The following SYN2 variants were observed in gnomAD, a reference collection of about 807,000 sequenced individuals.
The protein encoded by SYN2 is synapsin II.
In SYN2, 19 loss-of-function variants were observed where a neutral mutation model predicts 50.9. That is an observed-to-expected ratio of 0.37 (90% CI 0.26 to 0.55). The LOEUF (loss-of-function observed/expected upper bound fraction) is 0.55, where lower values mean the gene tolerates loss of function less well. Ranked by LOEUF, SYN2 falls within the 20% of genes least tolerant of loss-of-function variation. The probability of loss-of-function intolerance (pLI) is 0.81; values close to 1 mark genes in which losing one functional copy is unlikely to be tolerated. For synonymous variants in SYN2, 255 were observed against 224.9 expected (o/e 1.13, Z -1.20); for missense variants, 587 against 576.4 (o/e 1.02, Z -0.19).
chr3:12,070,077 G>A (rs183845468), intron 1 of SYN2: 14 of 244,072 alleles, frequency 5.7e-5, no homozygotes, highest in Admixed American at 1.4e-4. Context: ...TGAGATGATA[G>A]GCATAAGCCA....
intron 1 of SYN2, among the ~76,000 whole-genome samples, chr3:12,038,626 T>C (rs908028427): frequency 2.0e-5 from 3 of 152,180 alleles, no homozygotes; most frequent in African/African-American, 7.2e-5. Flanking sequence ...CTTGTACTTA[T>C]TTTAAAATTC....
Position 12,077,994 on chromosome 3 carries a change from C to CT in SYN2, c.378-62652dup, listed in dbSNP as rs556448556. Among the ~76,000 whole-genome samples the CT allele has an allele frequency of 7.8e-3, 1,186 of 152,220 alleles. 11 individuals carry two copies. Among genetic ancestry groups the CT allele is most frequent in the African/African-American group, 0.027 (1,119 of 41,512 alleles). Reference sequence around the variant, plus strand: ...CTTGCCAGCATCTGTTGTTTCTTGACTTTTTAATAATCGCCATTCTGACTG... The same window carrying CT: ...CTTGCCAGCATCTGTTGTTTCTTGACTTTTTTAATAATCGCCATTCTGACTG... On this transcript the variant is annotated intron_variant, in intron 1 of 12. Coordinates refer to ENST00000621198, the MANE Select transcript of SYN2 (RefSeq NM_133625.6).
chr3:12,165,330 T>C (rs1199269288), intron 7 of SYN2: 2 of 152,234 alleles, frequency 1.3e-5, no homozygotes, highest in South Asian at 2.1e-4. Flanking sequence ...AAATGTATGA[T>C]ATGGTGATGG....
intron 1 of SYN2, among the ~76,000 whole-genome samples, chr3:12,073,596 T>TTA (rs1695409047): frequency 6.6e-5 from 10 of 152,212 alleles, no homozygotes. Context: ...TTACATTTAT[T>TTA]GTAGTTGGAT....
chr3:12,072,608 C>G (rs946023798), intron 1 of SYN2, among the ~76,000 whole-genome samples: 13 of 152,062 alleles, frequency 8.5e-5, no homozygotes, highest in African/African-American at 2.9e-4. Flanking sequence ...TGTCTTGGTA[C>G]CCTCACCAAA....
intron 11 of SYN2, chr3:12,183,794 G>T (rs139604233): frequency 2.8e-6 from 3 of 1,054,926 alleles, no homozygotes; most frequent in South Asian, 3.1e-5. Flanking sequence ...ATGGGAGTAG[G>T]GGGGTGGACA....
chr3:12,160,009 C>T (rs1201149742), intron 5 of SYN2, among the ~76,000 whole-genome samples: 1 of 135,256 alleles, frequency 7.4e-6, no homozygotes, highest in African/African-American at 2.8e-5. Context: ...TGCCACTGCA[C>T]TCCAGTCTGG....
At chr3:12,007,605 T>A (rs1284967708) in intron 1 of SYN2, among the ~76,000 whole-genome samples, 3 of 152,240 alleles carry the variant, frequency 2.0e-5, no homozygotes, top group Non-Finnish European at 4.4e-5. Context: ...TATATTATTT[T>A]TCTGGTGCTG....
chr3:12,179,888 G>C (rs956472862), intron 10 of SYN2, among the ~76,000 whole-genome samples: 1 of 152,180 alleles, frequency 6.6e-6, no homozygotes, highest in Non-Finnish European at 1.5e-5. Flanking sequence ...CATCATTACA[G>C]ACTGACACCC....
intron 1 of SYN2, chr3:12,071,525 G>C (rs183172646): frequency 2.8e-6 from 1 of 362,600 alleles, no homozygotes; most frequent in Non-Finnish European, 5.5e-6. Context: ...GCACTTGATT[G>C]TAGAACTTGT....
At chr3:12,054,957 A>G (rs1257991563) in intron 1 of SYN2, among the ~76,000 whole-genome samples, 1 of 152,142 alleles carries the variant, frequency 6.6e-6, no homozygotes, top group Non-Finnish European at 1.5e-5. Flanking sequence ...ATCCTTTATT[A>G]GTGTTGATAA....
At chr3:12,169,970 T>C in intron 10 of SYN2, 64 bp downstream of exon 10, 1 of 1,518,036 alleles carries the variant, frequency 6.6e-7, no homozygotes. Context: ...CCTCTAGATG[T>C]TGATGGCTAA....
intron 6 of SYN2, 50 bp from the exon 7 acceptor site, chr3:12,161,962 G>T (rs1429648055): frequency 6.2e-7 from 1 of 1,608,490 alleles, no homozygotes; most frequent in South Asian, 1.1e-5. Flanking sequence ...TTCTCAGTGT[G>T]TGTATGTGTG....
chr3:12,039,439 A>G (rs1392645812), intron 1 of SYN2, among the ~76,000 whole-genome samples: 1 of 151,624 alleles, frequency 6.6e-6, no homozygotes, highest in African/African-American at 2.4e-5. Context: ...CCTTACATAC[A>G]TTATCTTGTT....
intron 5 of SYN2, among the ~76,000 whole-genome samples, chr3:12,157,162 A>G (rs1426720303): frequency 2.0e-5 from 3 of 152,208 alleles, no homozygotes; most frequent in South Asian, 4.1e-4. Flanking sequence ...TAGTGGCACC[A>G]TACACCAGCA....
chr3:12,168,380 A>C lies in SYN2; in HGVS notation c.1060A>C (p.Lys354Gln). 6.2e-7 allele frequency: 1 copy of C among 1,613,336 alleles called. No homozygotes were observed. The part of the protein sequence containing the change: ...LEQIAMSDRY[K>Q]LWVDTCSEMF... ...ACACCTTCCCATCACCTCCAGGTAC[A>C]AACTGTGGGTGGACACCTGCTCTGA... The change falls in exon 9 of 13, where the codon AAA becomes CAA. Residue 354 changes from lysine to glutamine, a missense_variant. Physicochemically the swap from Lys to Gln is moderately conservative, Grantham distance 53 (BLOSUM62 1). Coordinates refer to ENST00000621198, the MANE Select transcript of SYN2 (RefSeq NM_133625.6).
chr3:12,087,001 T>C (rs757940294), intron 1 of SYN2, among the ~76,000 whole-genome samples: 3 of 152,148 alleles, frequency 2.0e-5, no homozygotes, highest in Non-Finnish European at 4.4e-5. Flanking sequence ...TAAATGAATT[T>C]AGTTAAGTTT....
intron 1 of SYN2, among the ~76,000 whole-genome samples, chr3:12,009,594 T>G (rs552921125): frequency 6.6e-5 from 10 of 152,222 alleles, no homozygotes; most frequent in Non-Finnish European, 1.3e-4. Flanking sequence ...TTCTTTTTAC[T>G]CTTAAGTCGC....
In SYN2 at chr3:12,191,024, C is replaced by T. The variant is rs1698435138; in HGVS notation, c.*399C>T. 1 of 997,878 alleles carries T rather than the reference C, an allele frequency of 1.0e-6. No individual in the cohort carries two copies. The allele number at this position is 997,878 out of a possible 1,614,324, so 61.8% of individuals were successfully genotyped here. ...TGCAGTGCTAAGCATGCCCCGCCCC[C>T]ATTCAGTGATACCTGTTTGGGAAGT... On this transcript the variant is annotated 3_prime_UTR_variant, in exon 13 of 13. Coordinates refer to ENST00000621198, the MANE Select transcript of SYN2 (RefSeq NM_133625.6).
Sources: gnomAD v4.1 joint callset for allele counts (sites outside exome capture counted in the v4.1 genomes callset) on GRCh38, gnomAD v4.1.1 for gene constraint, MANE v1.5 for transcripts, NCBI Gene and HGNC (gene_info 2026-07-23, HGNC 2026-07-21) for gene names.